Variants in CEP162 observed in about 807,000 individuals in gnomAD.
The protein encoded by CEP162 is centrosomal protein 162, also known as centrosomal protein of 162 kDa.
CEP162 carries 141 observed loss-of-function variants against 169.2 expected under a neutral mutation model. That is an observed-to-expected ratio of 0.83 (90% confidence interval 0.73 to 0.96). CEP162 has a LOEUF of 0.96. Among genes scored for constraint, CEP162 ranks in the 40% least tolerant of loss-of-function variants. CEP162 has a pLI of 0.00. For synonymous variants in CEP162, 540 were observed against 526.4 expected, an observed-to-expected ratio of 1.03 and a Z score of -0.35; for missense variants, 1,600 against 1,587.2, an observed-to-expected ratio of 1.01 and a Z score of -0.14.
At chr6:84,170,491 G>GAT (rs148401456) in intron 17 of CEP162, among the ~76,000 whole-genome samples, 28 of 150,408 alleles carry the variant, frequency 1.9e-4, no homozygotes, top group East Asian at 3.9e-4. Flanking sequence ...GGAGAAAGAG[G>GAT]ATATATATAT....
intron 9 of CEP162, among the ~76,000 whole-genome samples, chr6:84,200,440 C>T (rs1160719117): frequency 2.6e-5 from 4 of 152,064 alleles, no homozygotes; most frequent in African/African-American, 9.7e-5. Context: ...TGGAAAAGCA[C>T]AATAAGACCA....
chr6:84,186,570 A>G lies in CEP162; in HGVS notation c.1163T>C (p.Leu388Pro). 6.2e-7 allele frequency: 1 copy of G among 1,610,098 alleles called. No homozygotes were observed. Among genetic ancestry groups the G allele is most frequent in the Non-Finnish European group, 8.5e-7 (1 of 1,178,294 alleles). The change falls in exon 12 of 27, where the codon CTG becomes CCG. Residue 388 changes from leucine (L) to proline (P), a missense_variant. Transcript: ENST00000403245. ...KETEFFSSLP[L>P]KMNPNILSQD... ...AGACAAAATATTTGGGTTCATCTTC[A>G]GGGGTAAAGAGCTAAAAAATTCAGT...
At chr6:84,221,199 G>T in intron 2 of CEP162, 28 bp from the exon 3 acceptor site, 5 of 1,067,012 alleles carry the variant, frequency 4.7e-6, no homozygotes, top group South Asian at 1.3e-5. Context: ...CATTCAATTT[G>T]AAAATACAGT....
chr6:84,146,829 G>T, intron 24 of CEP162, 44 bp from the exon 25 acceptor site: 1 of 979,410 alleles, frequency 1.0e-6, no homozygotes, highest in African/African-American at 1.7e-5. Context: ...GCTCCTCCTT[G>T]AACACTATCT....
In CEP162 at chr6:84,224,689, T is replaced by TA. The variant is rs1028136153; in HGVS notation, c.57+1647dup. ...GACTCTAAAATCATGACTTTCACAG[T>TA]AAAAAAAAAATGACACATTGCAACT... On this transcript the variant is annotated intron_variant, in intron 2 of 26. Coordinates refer to ENST00000403245, the MANE Select transcript of CEP162 (RefSeq NM_014895.4). Among the ~76,000 whole-genome samples the TA allele has an allele frequency of 3.9e-3, 580 of 148,138 alleles. 3 individuals are homozygous for TA. The highest frequency in any genetic ancestry group is 0.012 in the African/African-American group (491 of 40,502).
intron 6 of CEP162, among the ~76,000 whole-genome samples, chr6:84,204,842 AAAG>A (rs1252330818): frequency 6.6e-6 from 1 of 152,300 alleles, no homozygotes; most frequent in East Asian, 1.9e-4. Context: ...CAAGACTAAT[AAAG>A]AAGAGAGAAG....
intron 18 of CEP162, 141 bp downstream of exon 18, chr6:84,169,187 C>T (rs1212773848): frequency 1.7e-6 from 1 of 577,946 alleles, no homozygotes; most frequent in Non-Finnish European, 3.0e-6. Flanking sequence ...TAAGATATTT[C>T]TCCCTAAGTT....
chr6:84,136,068 T>C (rs2099513958), intron 25 of CEP162, among the ~76,000 whole-genome samples: 1 of 152,186 alleles, frequency 6.6e-6, no homozygotes, highest in African/African-American at 2.4e-5. Flanking sequence ...TAAGCAGCCA[T>C]TCCTGCTTTC....
At chr6:84,144,838 G>C (rs980495685) in intron 25 of CEP162, among the ~76,000 whole-genome samples, 1 of 151,970 alleles carries the variant, frequency 6.6e-6, no homozygotes, top group African/African-American at 2.4e-5. Flanking sequence ...AGAGCAATTT[G>C]GTAAATTATA....
chr6:84,198,947 G>A (rs2099543305), intron 9 of CEP162, among the ~76,000 whole-genome samples: 1 of 152,086 alleles, frequency 6.6e-6, no homozygotes, highest in African/African-American at 2.4e-5. Flanking sequence ...TTATGTAACT[G>A]TAATAATCTG....
chr6:84,162,531 G>A (rs886925929), intron 19 of CEP162, among the ~76,000 whole-genome samples: 30 of 152,046 alleles, frequency 2.0e-4, no homozygotes, highest in African/African-American at 7.2e-4. Flanking sequence ...TTCTATCCCT[G>A]TGTTCTGCCA....
chr6:84,219,026 C>A, intron 3 of CEP162: 1 of 355,214 alleles, frequency 2.8e-6, no homozygotes, highest in Non-Finnish European at 5.1e-6. Context: ...CTAAGCCGAA[C>A]ATTTTATTCC....
At chr6:84,197,825 C>CAAAAAAAAAA (rs564556727) in intron 9 of CEP162, among the ~76,000 whole-genome samples, 2 of 64,160 alleles carry the variant, frequency 3.1e-5, no homozygotes, top group African/African-American at 4.3e-5. Flanking sequence ...TCAAACAAAA[C>CAAAAAAAAAA]AAAAAAAAAA....
At chr6:84,216,386 C>G (rs928981825) in intron 3 of CEP162, among the ~76,000 whole-genome samples, 1 of 151,980 alleles carries the variant, frequency 6.6e-6, no homozygotes, top group African/African-American at 2.4e-5. Context: ...TAGACAGAAG[C>G]CTTCGTTAGT....
chr6:84,226,737 T>C (rs911509341), intron 1 of CEP162, among the ~76,000 whole-genome samples: 2 of 152,248 alleles, frequency 1.3e-5, no homozygotes, highest in African/African-American at 4.8e-5. Flanking sequence ...TTTGTGTGCA[T>C]GTGTTAATTA....
intron 9 of CEP162, among the ~76,000 whole-genome samples, chr6:84,198,380 C>T (rs990638025): frequency 6.6e-5 from 10 of 152,078 alleles, no homozygotes; most frequent in Non-Finnish European, 2.9e-5. Context: ...CAGGTTCAAG[C>T]GATTCTCCTG....
chr6:84,220,559 A>C (rs1251248409), intron 3 of CEP162, among the ~76,000 whole-genome samples: 1 of 152,160 alleles, frequency 6.6e-6, no homozygotes, highest in Admixed American at 6.5e-5. Flanking sequence ...CAGGAGTTTG[A>C]AGTTACAATG....
At position 84,203,870 on chromosome 6, in the gene CEP162, CAAT is replaced by C. The variant is rs2099545636; in HGVS notation, c.687+108_687+110del. On this transcript the variant is annotated intron_variant, in intron 7 of 26. Transcript: ENST00000403245. ...TATTAGGAGACCTGTAAGTTTACAA[CAAT>C]AAGCAAGATTATGAAGAACTCCATT... 6 of 507,394 alleles carry C rather than the reference CAAT, an allele frequency of 1.2e-5. No homozygotes were observed. The East Asian group carries it at 1.9e-4, about 16-fold the overall frequency. 31.4% of individuals were successfully genotyped at this position (507,394 alleles called of 1,614,324 possible). A position where few individuals can be genotyped will look rare whatever the true frequency, so the allele number is the denominator to read the frequency against.
chr6:84,213,055 AC>A, intron 5 of CEP162, 31 bp from the exon 6 acceptor site: 1 of 1,327,700 alleles, frequency 7.5e-7, no homozygotes, highest in Non-Finnish European at 1.1e-6. Context: ...ATTTAGCATT[AC>A]ATGTTAAAAA....
Sources: gnomAD v4.1 joint callset for allele counts (sites outside exome capture counted in the v4.1 genomes callset) on GRCh38, gnomAD v4.1.1 for gene constraint, MANE v1.5 for transcripts, NCBI Gene and HGNC (gene_info 2026-07-23, HGNC 2026-07-21) for gene names.